The following PRKCA variants were observed in gnomAD, a reference collection of about 807,000 sequenced individuals.
PRKCA encodes protein kinase C alpha.
PRKCA carries 27 observed loss-of-function variants against 87.0 expected under a neutral mutation model. That is an observed-to-expected ratio of 0.31 (90% CI 0.23 to 0.43). PRKCA has a LOEUF of 0.43. Ranked by LOEUF, PRKCA falls within the 20% of genes least tolerant of loss-of-function variation. The pLI, the probability that PRKCA is intolerant of heterozygous loss-of-function variation, is 1.00. For missense variants in PRKCA, 518 were observed against 852.3 expected (o/e 0.61, Z 4.88); for synonymous variants, 329 against 311.1 (o/e 1.06, Z -0.61).
chr17:66,396,550 TTTC>T (rs1466857426), intron 2 of PRKCA, among the ~76,000 whole-genome samples: 5 of 152,238 alleles, frequency 3.3e-5, no homozygotes, highest in African/African-American at 1.2e-4. Context: ...ATTTTCACAT[TTTC>T]TTATTTTTTC....
chr17:66,430,507 T>TA (rs1913045826), intron 2 of PRKCA, among the ~76,000 whole-genome samples: 3 of 151,934 alleles, frequency 2.0e-5, no homozygotes, highest in African/African-American at 7.2e-5. Flanking sequence ...TCCTCCCCTA[T>TA]TCTTAAGGGG....
At chr17:66,440,392 G>A (rs1253966060) in intron 2 of PRKCA, among the ~76,000 whole-genome samples, 1 of 152,130 alleles carries the variant, frequency 6.6e-6, no homozygotes, top group Non-Finnish European at 1.5e-5. Flanking sequence ...TAATTACTTT[G>A]AATGAATTGG....
intron 2 of PRKCA, among the ~76,000 whole-genome samples, chr17:66,327,563 T>C (rs1235531552): frequency 6.6e-6 from 1 of 152,054 alleles, no homozygotes; most frequent in Non-Finnish European, 1.5e-5. Context: ...TGGATGTTTC[T>C]ATCGTCATGT....
chr17:66,491,366 T>G (rs1258511813), intron 2 of PRKCA, among the ~76,000 whole-genome samples: 1 of 152,220 alleles, frequency 6.6e-6, no homozygotes, highest in East Asian at 1.9e-4. Context: ...TAGCCTATGC[T>G]TGCTTGAGCA....
At chr17:66,697,156 T>C (rs1346933712) in intron 8 of PRKCA, among the ~76,000 whole-genome samples, 1 of 152,350 alleles carries the variant, frequency 6.6e-6, no homozygotes, top group South Asian at 2.1e-4. Context: ...CCTCTTGTGA[T>C]TTGAAGCACA....
At chr17:66,483,922 G>A (rs1204942462) in intron 2 of PRKCA, among the ~76,000 whole-genome samples, 2 of 152,040 alleles carry the variant, frequency 1.3e-5, no homozygotes, top group Non-Finnish European at 2.9e-5. Context: ...GAATTTTATG[G>A]GGATAGTTTG....
rs190423885 is a variant in PRKCA, at chr17:66,335,423, C to G, written c.205+29296C>G. 2.0e-5 allele frequency among the ~76,000 whole-genome samples: 3 copies of G among 152,174 alleles called. No individual in the cohort carries two copies. The East Asian group carries it at 5.8e-4, about 29-fold the overall frequency. On this transcript the variant is annotated intron_variant, in intron 2 of 16. Transcript: ENST00000413366. ...GTGCTGGGATTACAGGTGAGAGCCT[C>G]TACACATAGTGGGAAGTTAGTTTTT...
intron 3 of PRKCA, among the ~76,000 whole-genome samples, chr17:66,569,255 T>G (rs1417934481): frequency 1.3e-5 from 2 of 152,174 alleles, no homozygotes; most frequent in Non-Finnish European, 2.9e-5. Flanking sequence ...CTTATACCTG[T>G]TAAAGGGCTT....
intron 3 of PRKCA, among the ~76,000 whole-genome samples, chr17:66,603,104 A>G (rs1355967017): frequency 6.6e-6 from 1 of 152,208 alleles, no homozygotes; most frequent in African/African-American, 2.4e-5. Flanking sequence ...TTACAGCACT[A>G]CCATCCAGCG....
At chr17:66,391,894 A>T (rs1910377883) in intron 2 of PRKCA, among the ~76,000 whole-genome samples, 3 of 151,842 alleles carry the variant, frequency 2.0e-5, no homozygotes, top group Admixed American at 2.0e-4. Flanking sequence ...AGGCACCCCA[A>T]CCCTAAATAT....
intron 2 of PRKCA, among the ~76,000 whole-genome samples, chr17:66,355,544 C>T (rs1158194020): frequency 2.0e-5 from 3 of 151,816 alleles, no homozygotes; most frequent in African/African-American, 7.3e-5. Context: ...ATAATTTTGT[C>T]ATCACCATGA....
intron 3 of PRKCA, among the ~76,000 whole-genome samples, chr17:66,529,780 G>A (rs879782835): frequency 7.9e-5 from 12 of 152,278 alleles, no homozygotes; most frequent in East Asian, 5.8e-4. Context: ...CTAAGTCCCT[G>A]AGTACTGTGG....
intron 2 of PRKCA, among the ~76,000 whole-genome samples, chr17:66,411,242 C>CT (rs11296687): frequency 0.55 from 74,593 of 136,746 alleles, 21,108 homozygotes; most frequent in Non-Finnish European, 0.64. Flanking sequence ...CAACATCTGG[C>CT]TTTTTTTTTT....
chr17:66,794,865 C>G (rs941302077), intron 16 of PRKCA, among the ~76,000 whole-genome samples: 3 of 152,074 alleles, frequency 2.0e-5, no homozygotes, highest in Admixed American at 1.3e-4. Flanking sequence ...CTCAAGTGAT[C>G]TGACTGCCTC....
At chr17:66,688,280 T>C (rs1567976720) in intron 6 of PRKCA, 22 bp from the exon 7 acceptor site, 1 of 1,613,292 alleles carries the variant, frequency 6.2e-7, no homozygotes, top group Non-Finnish European at 8.5e-7. Context: ...ACCTAGTGTT[T>C]GCATGTGTGT....
intron 2 of PRKCA, among the ~76,000 whole-genome samples, chr17:66,396,420 A>G (rs1031406446): frequency 1.3e-5 from 2 of 152,228 alleles, no homozygotes; most frequent in African/African-American, 4.8e-5. Flanking sequence ...AATTTGAAAG[A>G]GAATAAATCA....
At chr17:66,353,219 A>C (rs1481131542) in intron 2 of PRKCA, among the ~76,000 whole-genome samples, 1 of 152,218 alleles carries the variant, frequency 6.6e-6, no homozygotes, top group Non-Finnish European at 1.5e-5. Flanking sequence ...CAGCACAAGC[A>C]GATCTTTCTG....
chr17:66,707,972 G>A (rs1973230928), intron 8 of PRKCA, among the ~76,000 whole-genome samples: 1 of 152,188 alleles, frequency 6.6e-6, no homozygotes, highest in Non-Finnish European at 1.5e-5. Context: ...GAACCACAGA[G>A]GCCTCAGAGA....
intron 8 of PRKCA, among the ~76,000 whole-genome samples, chr17:66,711,341 A>G (rs1973322744): frequency 6.6e-6 from 1 of 152,230 alleles, no homozygotes; most frequent in African/African-American, 2.4e-5. Context: ...GTAATATATC[A>G]TAGGCTGAAA....
Sources: gnomAD v4.1 joint callset for allele counts (sites outside exome capture counted in the v4.1 genomes callset) on GRCh38, gnomAD v4.1.1 for gene constraint, MANE v1.5 for transcripts, NCBI Gene and HGNC (gene_info 2026-07-23, HGNC 2026-07-21) for gene names.